The following CHN2 variants were observed in gnomAD, a reference collection of about 807,000 sequenced individuals.
CHN2 encodes chimerin 2, also known as beta-chimaerin.
CHN2 carries 35 observed loss-of-function variants against 56.3 expected under a neutral mutation model. That is an observed-to-expected ratio of 0.62 (90% CI 0.47 to 0.82). The LOEUF is 0.82. Among genes scored for constraint, CHN2 ranks in the 40% least tolerant of loss-of-function variants. The pLI is 0.00. For missense variants in CHN2, 491 were observed against 580.5 expected, an observed-to-expected ratio of 0.85 and a Z score of 1.58; for synonymous variants, 210 against 212.8, an observed-to-expected ratio of 0.99 and a Z score of 0.12.
At chr7:29,313,163 G>A (rs775922266) in intron 1 of CHN2, among the ~76,000 whole-genome samples, 1 of 152,046 alleles carries the variant, frequency 6.6e-6, no homozygotes, top group African/African-American at 2.4e-5. Context: ...CAGCCTCACT[G>A]AACCAGCTCA....
At chr7:29,342,240 A>G (rs1797094339) in intron 1 of CHN2, among the ~76,000 whole-genome samples, 1 of 152,162 alleles carries the variant, frequency 6.6e-6, no homozygotes, top group African/African-American at 2.4e-5. Context: ...GGATGGATGA[A>G]CAGATGAATG....
chr7:29,509,995 C>G (rs1388963198), intron 12 of CHN2, among the ~76,000 whole-genome samples: 1 of 152,182 alleles, frequency 6.6e-6, no homozygotes, highest in Non-Finnish European at 1.5e-5. Context: ...AACTACTCTG[C>G]CTCCGTGTCT....
intron 1 of CHN2, among the ~76,000 whole-genome samples, chr7:29,272,551 A>G (rs1329969847): frequency 1.3e-5 from 2 of 152,146 alleles, no homozygotes; most frequent in East Asian, 1.9e-4. Context: ...ATGCTTGTCT[A>G]TGGGGCTGGA....
chr7:29,419,093 T>C (rs2128104150), intron 6 of CHN2, among the ~76,000 whole-genome samples: 1 of 138,316 alleles, frequency 7.2e-6, no homozygotes, highest in South Asian at 2.8e-4. Context: ...AGGCCAGTCT[T>C]GGGTGTGCCT....
intron 6 of CHN2, among the ~76,000 whole-genome samples, chr7:29,408,691 A>G (rs905801749): frequency 2.6e-5 from 4 of 152,212 alleles, no homozygotes; most frequent in African/African-American, 9.7e-5. Context: ...AGGGGCAAGG[A>G]AAAGTTAGTC....
chr7:29,280,022 T>A (rs1190984075), intron 1 of CHN2, among the ~76,000 whole-genome samples: 1 of 152,076 alleles, frequency 6.6e-6, no homozygotes, highest in Non-Finnish European at 1.5e-5. Flanking sequence ...GAAGGTGTGA[T>A]CACACTTAAG....
At chr7:29,167,560 G>C (rs1233076544) in intron 2 of CHN2, among the ~76,000 whole-genome samples, 1 of 152,130 alleles carries the variant, frequency 6.6e-6, no homozygotes, top group Non-Finnish European at 1.5e-5. Flanking sequence ...AAGACTATAT[G>C]AATTTTCAAC....
chr7:29,208,055 G>A (rs2128776218), intron 1 of CHN2, among the ~76,000 whole-genome samples: 1 of 152,184 alleles, frequency 6.6e-6, no homozygotes, highest in East Asian at 1.9e-4. Context: ...TTGAGTGCCA[G>A]GTTGTTGCAA....
intron 2 of CHN2, among the ~76,000 whole-genome samples, chr7:29,151,234 G>A (rs1273779112): frequency 6.6e-6 from 1 of 152,166 alleles, no homozygotes; most frequent in African/African-American, 2.4e-5. Flanking sequence ...TCCACTCTTA[G>A]CATGATTATC....
intron 1 of CHN2, among the ~76,000 whole-genome samples, chr7:29,275,999 G>A (rs1203961011): frequency 3.3e-5 from 5 of 151,818 alleles, no homozygotes; most frequent in East Asian, 1.9e-4. Context: ...CCCAAACCCC[G>A]CATTACCCAA....
intron 1 of CHN2, among the ~76,000 whole-genome samples, chr7:29,209,330 T>C (rs1014716934): frequency 6.6e-6 from 1 of 152,126 alleles, no homozygotes; most frequent in African/African-American, 2.4e-5. Context: ...ACGCATGGCC[T>C]CTCATAGTCA....
chr7:29,324,202 A>G (rs1450047440), intron 1 of CHN2, among the ~76,000 whole-genome samples: 2 of 152,150 alleles, frequency 1.3e-5, no homozygotes, highest in Non-Finnish European at 2.9e-5. Context: ...GTTCTACAAT[A>G]GTGATGCTAT....
chr7:29,449,345 T>C (rs1220509802), intron 6 of CHN2, among the ~76,000 whole-genome samples: 2 of 152,180 alleles, frequency 1.3e-5, no homozygotes, highest in Admixed American at 6.5e-5. Flanking sequence ...CTTAAATCAA[T>C]AGAAATCATT....
chr7:29,504,627 C>A, intron 9 of CHN2, 117 bp from the exon 10 acceptor site: 1 of 641,510 alleles, frequency 1.6e-6, no homozygotes, highest in Non-Finnish European at 2.7e-6. Flanking sequence ...TAAATAAAAT[C>A]ACTGTCTATG....
chr7:29,356,013 GC>G (rs1402246837), intron 2 of CHN2, among the ~76,000 whole-genome samples: 3 of 151,744 alleles, frequency 2.0e-5, no homozygotes. Flanking sequence ...GAACTCCTGA[GC>G]TCAGGCAATC....
At chr7:29,179,224 C>T (rs1039554358) in intron 2 of CHN2, among the ~76,000 whole-genome samples, 3 of 152,200 alleles carry the variant, frequency 2.0e-5, no homozygotes, top group Non-Finnish European at 2.9e-5. Flanking sequence ...TCAGAAGGCT[C>T]CATCCCCTCA....
chr7:29,354,663 T>A lies in CHN2; in HGVS notation c.88T>A (p.Leu30Ile). The change falls in exon 2 of 13, where the codon TTA becomes ATA. Residue 30 changes from leucine (L) to isoleucine (I), a missense_variant and splice_region_variant. Coordinates refer to ENST00000222792, the MANE Select transcript of CHN2 (RefSeq NM_004067.4). Reference sequence around the variant, plus strand: ...CCAGCCTCCTATATGGAAATCATACTGTGAGTACCTGAAATGAAAATCTCC... The same window carrying A: ...CCAGCCTCCTATATGGAAATCATACAGTGAGTACCTGAAATGAAAATCTCC... ...EYQPPIWKSYLYQLQQEAPRP... is the reference protein window; with the variant it reads ...EYQPPIWKSYIYQLQQEAPRP... 1 of 1,612,274 alleles carries A rather than the reference T, an allele frequency of 6.2e-7. No homozygotes were observed. The highest frequency in any genetic ancestry group is 8.5e-7 in the Non-Finnish European group (1 of 1,179,066).
intron 6 of CHN2, among the ~76,000 whole-genome samples, chr7:29,465,365 T>C (rs1478119756): frequency 6.6e-6 from 1 of 152,236 alleles, no homozygotes; most frequent in Non-Finnish European, 1.5e-5. Flanking sequence ...ATCATCTGCA[T>C]AATCATGAAA....
chr7:29,160,316 G>A (rs1795002105), intron 2 of CHN2, among the ~76,000 whole-genome samples: 1 of 152,194 alleles, frequency 6.6e-6, no homozygotes, highest in Admixed American at 6.5e-5. Context: ...AAACTTATCT[G>A]ATTCCCTGAT....
Sources: gnomAD v4.1 joint callset for allele counts (sites outside exome capture counted in the v4.1 genomes callset) on GRCh38, gnomAD v4.1.1 for gene constraint, MANE v1.5 for transcripts, NCBI Gene and HGNC (gene_info 2026-07-23, HGNC 2026-07-21) for gene names.